Variants in SLC25A13 observed in about 807,000 individuals in gnomAD.
The protein encoded by SLC25A13 is electrogenic aspartate/glutamate antiporter SLC25A13, mitochondrial.
Under a neutral mutation model 85.5 loss-of-function variants are expected in SLC25A13, and 70 were observed. The ratio of observed to expected loss-of-function variants is 0.82; its 90% CI spans 0.68 to 1.00. The LOEUF (loss-of-function observed/expected upper bound fraction) is 1.00. SLC25A13 is among the 50% of genes least tolerant of loss of function. The pLI is 0.00. For synonymous variants in SLC25A13, 259 were observed against 288.7 expected, an observed-to-expected ratio of 0.90 and a Z score of 1.04; for missense variants, 765 against 819.8, an observed-to-expected ratio of 0.93 and a Z score of 0.82.
At chr7:96,270,520 A>G (rs928610220) in intron 3 of SLC25A13, among the ~76,000 whole-genome samples, 1 of 151,452 alleles carries the variant, frequency 6.6e-6, no homozygotes, top group African/African-American at 2.4e-5. Flanking sequence ...GTGCCACTGC[A>G]CCCCAGCCTG....
At chr7:96,143,493 G>A (rs1792652118) in intron 14 of SLC25A13, among the ~76,000 whole-genome samples, 1 of 152,050 alleles carries the variant, frequency 6.6e-6, no homozygotes, top group African/African-American at 2.4e-5. Context: ...CTCTTTCAAA[G>A]GCAATTAATT....
chr7:96,270,036 C>T (rs1478924181), intron 3 of SLC25A13, among the ~76,000 whole-genome samples: 2 of 152,134 alleles, frequency 1.3e-5, no homozygotes, highest in Admixed American at 1.3e-4. Context: ...GAGGAGTAAG[C>T]TCAAGAGACC....
At chr7:96,294,158 T>C in intron 2 of SLC25A13, among the ~76,000 whole-genome samples, 1 of 152,134 alleles carries the variant, frequency 6.6e-6, no homozygotes, top group Non-Finnish European at 1.5e-5. Context: ...GAAACCATCA[T>C]TCTCAGCAAA....
chr7:96,271,200 T>G (rs1798226065), intron 3 of SLC25A13, among the ~76,000 whole-genome samples: 1 of 152,216 alleles, frequency 6.6e-6, no homozygotes, highest in South Asian at 2.1e-4. Flanking sequence ...ATACAGCTTC[T>G]ATTCCCGGGC....
intron 14 of SLC25A13, among the ~76,000 whole-genome samples, chr7:96,145,286 C>G (rs769026769): frequency 6.6e-6 from 1 of 152,174 alleles, no homozygotes; most frequent in Non-Finnish European, 1.5e-5. Context: ...TCATGGAGTA[C>G]TCTTTCCAAT....
chr7:96,241,381 G>GA (rs1796993135), intron 3 of SLC25A13, among the ~76,000 whole-genome samples: 1 of 152,196 alleles, frequency 6.6e-6, no homozygotes, highest in Non-Finnish European at 1.5e-5. Context: ...TGGTAATGGT[G>GA]AAAAAAGTAC....
At chr7:96,290,184 A>T (rs564158130) in intron 2 of SLC25A13, among the ~76,000 whole-genome samples, 64 of 152,320 alleles carry the variant, frequency 4.2e-4, no homozygotes, top group Non-Finnish European at 6.8e-4. Context: ...TAAGCTTCAT[A>T]AGTGAAGGAG....
intron 1 of SLC25A13, among the ~76,000 whole-genome samples, chr7:96,300,872 T>G (rs903076767): frequency 1.3e-5 from 2 of 152,226 alleles, no homozygotes; most frequent in African/African-American, 4.8e-5. Context: ...ATTCCATCTA[T>G]TATTCACCAG....
At chr7:96,190,185 A>C (rs950017826) in intron 7 of SLC25A13, among the ~76,000 whole-genome samples, 2 of 151,440 alleles carry the variant, frequency 1.3e-5, no homozygotes, top group African/African-American at 4.9e-5. Context: ...CTTGGGTTCA[A>C]GCGATTCCCC....
At chr7:96,194,965 C>T (rs1795004792) in intron 5 of SLC25A13, among the ~76,000 whole-genome samples, 1 of 152,306 alleles carries the variant, frequency 6.6e-6, no homozygotes, top group East Asian at 1.9e-4. Context: ...GCCTCCACCA[C>T]TGGCTCCTTA....
intron 13 of SLC25A13, among the ~76,000 whole-genome samples, chr7:96,156,865 T>C (rs1793289324): frequency 6.6e-6 from 1 of 152,144 alleles, no homozygotes; most frequent in African/African-American, 2.4e-5. Context: ...TATTTTAGGC[T>C]CAAAAATATA....
At chr7:96,183,518 G>T (rs955517024) in intron 11 of SLC25A13, among the ~76,000 whole-genome samples, 113 of 152,274 alleles carry the variant, frequency 7.4e-4, no homozygotes, top group African/African-American at 1.8e-3. Flanking sequence ...GAACTGCCTT[G>T]TGATACTGTA....
intron 1 of SLC25A13, among the ~76,000 whole-genome samples, chr7:96,316,026 C>T (rs551802263): frequency 5.9e-5 from 9 of 151,874 alleles, no homozygotes; most frequent in Non-Finnish European, 7.4e-5. Flanking sequence ...CAGGAGGCTG[C>T]GGTGGGAGGA....
chr7:96,269,992 G>T (rs1023129057), intron 3 of SLC25A13, among the ~76,000 whole-genome samples: 4 of 152,160 alleles, frequency 2.6e-5, no homozygotes, highest in Non-Finnish European at 4.4e-5. Context: ...AGGCCCTGGA[G>T]TGATGTTGGT....
intron 5 of SLC25A13, among the ~76,000 whole-genome samples, chr7:96,205,361 G>A (rs140889973): frequency 1.2e-3 from 186 of 152,314 alleles, no homozygotes; most frequent in African/African-American, 4.2e-3. Context: ...GTAGACATAC[G>A]TGGAGAGGTT....
intron 3 of SLC25A13, among the ~76,000 whole-genome samples, chr7:96,249,485 T>TA (rs1488694626): frequency 1.3e-5 from 2 of 152,216 alleles, no homozygotes; most frequent in African/African-American, 4.8e-5. Context: ...GAGCCCATTC[T>TA]ATTTAGGTTC....
At chr7:96,158,132 T>C (rs968990849) in intron 13 of SLC25A13, among the ~76,000 whole-genome samples, 1 of 152,220 alleles carries the variant, frequency 6.6e-6, no homozygotes, top group Non-Finnish European at 1.5e-5. Flanking sequence ...CTTTCATTTG[T>C]ATCAACAAAA....
Position 96,138,729 on chromosome 7 carries a change from C to T in SLC25A13, c.1453-6848G>A, listed in dbSNP as rs78946246. On this transcript the variant is annotated intron_variant, in intron 14 of 17. Coordinates refer to ENST00000265631, the MANE Select transcript of SLC25A13 (RefSeq NM_014251.3). ...TGATACTGTACACATCTTTGGTACT[C>T]TAGCATCTAATAGTGTTAGCATTCA... Among the ~76,000 whole-genome samples, 932 of 152,150 alleles carry T rather than the reference C, an allele frequency of 6.1e-3. 12 individuals are homozygous for T. The highest frequency in any genetic ancestry group is 0.021 in the African/African-American group (881 of 41,488).
At position 96,128,939 on chromosome 7, in the gene SLC25A13, G is replaced by GCTCTCTCTCTCTCTCTCTCTCT. The variant is rs58984088; in HGVS notation, c.1591+2782_1591+2803dup. Among the ~76,000 whole-genome samples the GCTCTCTCTCTCTCTCTCTCTCT allele has an allele frequency of 1.8e-4, 15 of 81,898 alleles. 2 individuals are homozygous for GCTCTCTCTCTCTCTCTCTCTCT. The South Asian group carries it at 2.2e-3, about 12-fold the overall frequency. The allele number at this position is 81,898 out of a possible 152,430, so 53.7% of individuals were successfully genotyped here. ...AGACACTGCAGCTTCTGCCTTGCTTGCTCTCTCTCTCTCTCTCTCTCTCTC... is the reference window on the plus strand; with the variant it reads ...AGACACTGCAGCTTCTGCCTTGCTTGCTCTCTCTCTCTCTCTCTCTCTCTCTCTCTCTCTCTCTCTCTCTCTC... On this transcript the variant is annotated intron_variant, in intron 15 of 17. Transcript: ENST00000265631.
Sources: allele counts gnomAD v4.1 joint callset (sites outside exome capture counted in the v4.1 genomes callset), GRCh38; gene constraint gnomAD v4.1.1; transcripts MANE v1.5; gene names NCBI Gene and HGNC (gene_info 2026-07-23, HGNC 2026-07-21).